Variants in EXOC3L4 observed in about 807,000 individuals in gnomAD.
The protein encoded by EXOC3L4 is exocyst complex component 3-like protein 4.
A neutral mutation model predicts 69.7 loss-of-function variants in EXOC3L4; 62 were observed. The ratio of observed to expected loss-of-function variants is 0.89; its 90% CI spans 0.72 to 1.10. The LOEUF (loss-of-function observed/expected upper bound fraction) is 1.10. Among genes scored for constraint, EXOC3L4 ranks in the 50% least tolerant of loss-of-function variants. The pLI, the probability that EXOC3L4 is intolerant of heterozygous loss-of-function variation, is 0.00. For missense variants in EXOC3L4, 1,087 were observed against 1,034.8 expected (o/e 1.05, Z -0.69); for synonymous variants, 502 against 464.2 (o/e 1.08, Z -1.05).
At position 103,108,312 on chromosome 14, in the gene EXOC3L4, C is replaced by G. The variant is rs1341872648; in HGVS notation, c.1855-84C>G. The G allele has an allele frequency of 2.6e-6, 4 of 1,560,938 alleles. No individual in the cohort carries two copies. The African/African-American group carries it at 5.4e-5, about 21-fold the overall frequency. ...GGGCTGACGCTGCGGGAGGGCTGAC[C>G]TCGCACTGACCTCGCGCTCTTGCAG... is the stretch of plus-strand genomic sequence containing the variant. On this transcript the variant is annotated intron_variant, in intron 10 of 11. Transcript: ENST00000688303.
intron 7 of EXOC3L4, 25 bp from the exon 8 acceptor site, chr14:103,106,760 A>G: frequency 6.7e-7 from 1 of 1,486,814 alleles, no homozygotes; most frequent in Non-Finnish European, 9.1e-7. Flanking sequence ...TGCCCACCTC[A>G]TCGCTGGTCC....
rs1006959197 is a variant in EXOC3L4 at position 103,110,065 on chromosome 14, C to T, written c.2011C>T (p.Arg671Ter). The T allele has an allele frequency of 6.2e-6, 10 of 1,600,772 alleles. No homozygotes were observed. Among genetic ancestry groups the T allele is most frequent in the East Asian group, 4.5e-5 (2 of 44,458 alleles). Residue 671 changes from arginine (R) to a stop codon, truncating the protein, a stop_gained, in exon 12 of 12, where the codon CGA becomes TGA. Coordinates refer to ENST00000688303, the MANE Select transcript of EXOC3L4 (RefSeq NM_001077594.2). LOFTEE classifies it low-confidence loss of function (END_TRUNC). ...CATACTGGCCATTCTGGCGCTGCGC[C>T]GACTGGGCCGCCAGCGGAACCAGCA... is the stretch of plus-strand genomic sequence containing the variant. Reference protein sequence around the residue: ...DHILAILALRRLGRQRNQHLL... With the variant: ...DHILAILALR
chr14:103,103,797 C>CGTGCGTGTGTGT (rs1555403328), intron 3 of EXOC3L4, 144 bp from the exon 4 acceptor site: 6 of 433,728 alleles, frequency 1.4e-5, no homozygotes, highest in African/African-American at 1.2e-4. Flanking sequence ...GGCGCGCGCG[C>CGTGCGTGTGTGT]GTGTGTGTGT....
intron 4 of EXOC3L4, 65 bp from the exon 5 acceptor site, chr14:103,104,202 C>T (rs1194333906): frequency 1.7e-5 from 25 of 1,476,612 alleles, no homozygotes; most frequent in Non-Finnish European, 5.4e-6. Flanking sequence ...GGGCGGCCCT[C>T]ATCCCGGACG....
intron 3 of EXOC3L4, 144 bp from the exon 4 acceptor site, chr14:103,103,797 C>CGCGCGCGGGTGTGTGT: frequency 2.3e-6 from 1 of 432,430 alleles, no homozygotes; most frequent in African/African-American, 2.3e-5. Context: ...GGCGCGCGCG[C>CGCGCGCGGGTGTGTGT]GTGTGTGTGT....
Position 103,103,971 on chromosome 14 carries a change from G to T in EXOC3L4, c.1080G>T (p.Ala360=). 1.3e-6 allele frequency: 2 copies of T among 1,549,766 alleles called. No homozygotes were observed. Among genetic ancestry groups the T allele is most frequent in the South Asian group, 1.2e-5 (1 of 85,038 alleles). ...ACTTCCTGGGCGCCCCGGGGCTGGC[G>T]CTGCCCGCCGAGCCGCTGCCTCCGC... ...SPDFLGAPGL[A]LPAEPLPPLL... is the part of the protein sequence containing the mutation. Residue 360 remains alanine, a synonymous_variant, in exon 4 of 12, where the codon GCG becomes GCT. Transcript: ENST00000688303.
chr14:103,108,293 ACGCTGCGGGAGG>A, intron 10 of EXOC3L4, 91 bp from the exon 11 acceptor site: 1 of 1,503,758 alleles, frequency 6.7e-7, no homozygotes, highest in South Asian at 1.3e-5. Context: ...AGGAGGGCTG[ACGCTGCGGGAGG>A]GCTGACCTCG....
At position 103,105,136 on chromosome 14, in the gene EXOC3L4, A is replaced by C. The variant is rs193228003; in HGVS notation, c.1466+64A>C. On this transcript the variant is annotated intron_variant, in intron 7 of 11. Coordinates refer to ENST00000688303, the MANE Select transcript of EXOC3L4 (RefSeq NM_001077594.2). ...AGCAGGGGGCGCGCGAGCGCCGGGA[A>C]CCTGGATGGAGGGGAGTGCGCGCGC... is the stretch of plus-strand genomic sequence containing the variant. 5.2e-3 allele frequency: 7,948 copies of C among 1,533,204 alleles called. 28 individuals carry two copies. The highest frequency in any genetic ancestry group is 6.4e-3 in the Non-Finnish European group (7,206 of 1,131,898). The allele number at this position is 1,533,204 out of a possible 1,614,324, so 95.0% of individuals were successfully genotyped here.
At chr14:103,094,885 G>C (rs903573443) in intron 1 of EXOC3L4, 45 bp downstream of exon 1, 2 of 152,634 alleles carry the variant, frequency 1.3e-5, no homozygotes, top group African/African-American at 4.8e-5. Flanking sequence ...GGTGCTGTGG[G>C]CGGGCTTGAG....
chr14:103,106,942 AG>A (rs1441060909), intron 8 of EXOC3L4, 43 bp downstream of exon 8: 1 of 1,447,576 alleles, frequency 6.9e-7, no homozygotes, highest in Admixed American at 2.3e-5. Flanking sequence ...CATGCCCAGC[AG>A]GCACCCCCTA....
At chr14:103,104,145 G>A in intron 4 of EXOC3L4, 93 bp downstream of exon 4, 1 of 1,447,234 alleles carries the variant, frequency 6.9e-7, no homozygotes, top group South Asian at 1.4e-5. Context: ...GGCCAGAGCT[G>A]GCTCTGGTTC....
In EXOC3L4 at chr14:103,110,016, C is replaced by T. The variant is rs781544968; in HGVS notation, c.1977-15C>T. On this transcript the variant is annotated splice_polypyrimidine_tract_variant and intron_variant, in intron 11 of 11. Transcript: ENST00000688303. ...GAGGTGTAGGTCTGCAGTGAGTGCC[C>T]GCATGTCTCTGCAGGCGGGACCACA... The T allele has an allele frequency of 2.0e-5, 31 of 1,578,168 alleles. No individual in the cohort carries two copies. Among genetic ancestry groups the T allele is most frequent in the Middle Eastern group, 1.7e-4 (1 of 5,986 alleles).
At chr14:103,099,630 C>G (rs1653413118) in intron 1 of EXOC3L4, among the ~76,000 whole-genome samples, 1 of 152,172 alleles carries the variant, frequency 6.6e-6, no homozygotes, top group Non-Finnish European at 1.5e-5. Flanking sequence ...TCGGCGGGCT[C>G]TGTGACACCC....
Position 103,105,001 on chromosome 14 carries a change from G to A in EXOC3L4, c.1395G>A (p.Lys465=), listed in dbSNP as rs1180705582. 8 of 1,612,760 alleles carry A rather than the reference G, an allele frequency of 5.0e-6. No individual in the cohort carries two copies. The highest frequency in any genetic ancestry group is 1.7e-5 in the Admixed American group (1 of 59,960). Residue 465 remains lysine (K), a synonymous_variant, in exon 7 of 12, where the codon AAG becomes AAA. Transcript: ENST00000688303. ...ALGLFVPRFE[K]AFLASEAVSE... is the part of the protein sequence containing the mutation. ...GTGTATCCCGCCCCAGGTTTGAAAA[G>A]GCTTTTCTGGCGTCGGAGGCGGTGA...
At chr14:103,094,951 G>A (rs1889826478) in intron 1 of EXOC3L4, 111 bp downstream of exon 1, 1 of 152,504 alleles carries the variant, frequency 6.6e-6, no homozygotes, top group Admixed American at 6.5e-5. Context: ...TCAGAGCCCA[G>A]GCCGACCAGG....
intron 3 of EXOC3L4, among the ~76,000 whole-genome samples, chr14:103,103,391 AAAAAG>A (rs1890331283): frequency 6.6e-6 from 1 of 151,666 alleles, no homozygotes; most frequent in South Asian, 2.1e-4. Context: ...AAAGAAAAGA[AAAAAG>A]AAAAGGGCAC....
At chr14:103,095,805 C>G (rs866295526) in intron 1 of EXOC3L4, among the ~76,000 whole-genome samples, 7 of 152,114 alleles carry the variant, frequency 4.6e-5, no homozygotes, top group South Asian at 2.1e-4. Flanking sequence ...TTTACTAAAC[C>G]CTTTTATTAG....
In EXOC3L4 at chr14:103,107,422, A is replaced by G. The variant is rs199732363; in HGVS notation, c.1582-2A>G. The G allele has an allele frequency of 1.2e-6, 2 of 1,613,348 alleles. No individual in the cohort carries two copies. The highest frequency in any genetic ancestry group is 4.5e-5 in the East Asian group (2 of 44,852). The stretch of plus-strand genomic sequence containing the variant: ...GCAGACTCCCAGCCCCTCTGTCCCC[A>G]GCCGCTCTTCAGGGTTGTGTGCACC... On this transcript the variant is annotated splice_acceptor_variant, in intron 8 of 11. Coordinates refer to ENST00000688303, the MANE Select transcript of EXOC3L4 (RefSeq NM_001077594.2). LOFTEE classifies it high-confidence loss of function.
In EXOC3L4 at chr14:103,097,518, C is replaced by T. The variant is rs962711404; in HGVS notation, c.-17+2678C>T. ...GGCCTTCAGGTCTCAGCCCCGCAGG[C>T]GCCAGCATGGCAGCAGGCAGGCCAG... On this transcript the variant is annotated intron_variant, in intron 1 of 11. Transcript: ENST00000688303. This position sits in a 1 kb window ranked among gnomAD's most constrained non-coding sequence, Gnocchi z 4.9. 4.6e-5 allele frequency among the ~76,000 whole-genome samples: 7 copies of T among 152,066 alleles called. No homozygotes were observed. Among genetic ancestry groups the T allele is most frequent in the Non-Finnish European group, 8.8e-5 (6 of 67,998 alleles).
Sources: allele counts gnomAD v4.1 joint callset (sites outside exome capture counted in the v4.1 genomes callset), GRCh38; gene constraint gnomAD v4.1.1; non-coding constraint Gnocchi (gnomAD v3.1); transcripts MANE v1.5; gene names NCBI Gene and HGNC (gene_info 2026-07-23, HGNC 2026-07-21).